CDH12: variants seen among roughly 807,000 people sequenced by gnomAD.
CDH12 encodes cadherin-12.
In CDH12, 41 loss-of-function variants were observed where a neutral mutation model predicts 74.1. The ratio of observed to expected loss-of-function variants is 0.55; its 90% CI spans 0.43 to 0.72. CDH12 has a LOEUF of 0.72. Among genes scored for constraint, CDH12 ranks in the 30% least tolerant of loss-of-function variants. The pLI, the probability that CDH12 is intolerant of heterozygous loss-of-function variation, is 0.00. For missense variants in CDH12, 945 were observed against 977.2 expected (o/e 0.97, Z 0.44); for synonymous variants, 399 against 355.0 (o/e 1.12, Z -1.39).
chr5:22,774,205 G>A (rs947840323), intron 1 of CDH12, among the ~76,000 whole-genome samples: 1 of 152,096 alleles, frequency 6.6e-6, no homozygotes, highest in African/African-American at 2.4e-5. Flanking sequence ...ATTCACAATA[G>A]CAAAGATGTG....
In CDH12 at chr5:22,297,955, CTTAAT is replaced by C. The variant is rs150476535; in HGVS notation, c.-332-85317_-332-85313del. The stretch of plus-strand genomic sequence containing the variant: ...CTTCATTATTTCTTTTAGATATTAA[CTTAAT>C]TTAATTTTTATATTTCAAGACTTAT... On this transcript the variant is annotated intron_variant, in intron 3 of 14. Coordinates refer to ENST00000382254, the MANE Select transcript of CDH12 (RefSeq NM_004061.5). 1.6e-3 allele frequency among the ~76,000 whole-genome samples: 248 copies of C among 151,752 alleles called. 2 individuals are homozygous for C. Among genetic ancestry groups the C allele is most frequent in the African/African-American group, 5.4e-3 (222 of 41,448 alleles).
chr5:22,681,398 A>G (rs1741486387), intron 1 of CDH12, among the ~76,000 whole-genome samples: 1 of 151,984 alleles, frequency 6.6e-6, no homozygotes, highest in Non-Finnish European at 1.5e-5. Flanking sequence ...AAAACCTGGT[A>G]GTGTGAAAGC....
intron 2 of CDH12, among the ~76,000 whole-genome samples, chr5:22,474,952 C>A (rs1746108001): frequency 6.6e-6 from 1 of 151,718 alleles, no homozygotes; most frequent in Non-Finnish European, 1.5e-5. Flanking sequence ...TTTGACAAAC[C>A]TTTATAACAG....
intron 3 of CDH12, among the ~76,000 whole-genome samples, chr5:22,374,132 C>G (rs1353255480): frequency 6.6e-6 from 1 of 152,052 alleles, no homozygotes; most frequent in East Asian, 1.9e-4. Flanking sequence ...AGGAATTATA[C>G]TAGGAATGCC....
At chr5:22,201,327 G>A (rs1580393596) in intron 4 of CDH12, among the ~76,000 whole-genome samples, 3 of 152,146 alleles carry the variant, frequency 2.0e-5, no homozygotes, top group South Asian at 4.1e-4. Context: ...TATACAAAAC[G>A]GAATACTATT....
chr5:22,629,346 A>G (rs1285243059), intron 1 of CDH12, among the ~76,000 whole-genome samples: 2 of 152,078 alleles, frequency 1.3e-5, no homozygotes, highest in Non-Finnish European at 2.9e-5. Context: ...CTTGATGAAC[A>G]TAGAAGAAAA....
At chr5:22,623,392 T>C (rs1021754403) in intron 1 of CDH12, among the ~76,000 whole-genome samples, 4 of 152,154 alleles carry the variant, frequency 2.6e-5, no homozygotes, top group Admixed American at 6.6e-5. Flanking sequence ...TTGCAGATGG[T>C]ATGATTGTAT....
At chr5:22,788,004 G>T (rs1017012840) in intron 1 of CDH12, among the ~76,000 whole-genome samples, 2 of 152,156 alleles carry the variant, frequency 1.3e-5, no homozygotes, top group Non-Finnish European at 2.9e-5. Context: ...AGGGATGAGT[G>T]TCACACAAGA....
rs535741892 is a variant in CDH12 at position 21,803,452 on chromosome 5, G to A, written c.1003-1032C>T. 2.0e-5 allele frequency among the ~76,000 whole-genome samples: 3 copies of A among 152,144 alleles called. No individual in the cohort carries two copies. In the East Asian group the frequency reaches 5.8e-4, roughly 29 times the overall value. On this transcript the variant is annotated intron_variant, in intron 9 of 14. Transcript: ENST00000382254. ...TATTAATATATATGACTAAATTAGAGAAGGCTGTGAAACATAATATAGAAA... is the reference window on the plus strand; with the variant it reads ...TATTAATATATATGACTAAATTAGAAAAGGCTGTGAAACATAATATAGAAA...
intron 4 of CDH12, among the ~76,000 whole-genome samples, chr5:22,177,052 G>A (rs1419043718): frequency 6.6e-6 from 1 of 152,076 alleles, no homozygotes; most frequent in Admixed American, 6.6e-5. Context: ...TAGTATTTAT[G>A]ATAACCTGAC....
Position 22,433,208 on chromosome 5 carries a change from G to A in CDH12, c.-427-27857C>T, listed in dbSNP as rs142440916. ...TCTTCTTTTCTCTTTATTCCAGATT[G>A]GTTTCTACTTTCCCGCATTATTTAT... is the stretch of plus-strand genomic sequence containing the variant. On this transcript the variant is annotated intron_variant, in intron 2 of 14. Coordinates refer to ENST00000382254, the MANE Select transcript of CDH12 (RefSeq NM_004061.5). Among the ~76,000 whole-genome samples the A allele has an allele frequency of 5.6e-3, 855 of 151,984 alleles. 25 individuals are homozygous for A. The highest frequency in any genetic ancestry group is 0.05 in the Admixed American group (759 of 15,206).
intron 1 of CDH12, among the ~76,000 whole-genome samples, chr5:22,664,523 C>T (rs1375350973): frequency 6.6e-6 from 1 of 152,040 alleles, no homozygotes; most frequent in East Asian, 1.9e-4. Context: ...CTGATCTCAC[C>T]CTTGACTCGT....
At chr5:21,874,381 C>T (rs1425443853) in intron 6 of CDH12, among the ~76,000 whole-genome samples, 1 of 152,172 alleles carries the variant, frequency 6.6e-6, no homozygotes, top group African/African-American at 2.4e-5. Context: ...AAGGTGACCG[C>T]ATCCACCTTT....
intron 9 of CDH12, among the ~76,000 whole-genome samples, chr5:21,808,858 C>T (rs964132075): frequency 3.9e-5 from 6 of 151,970 alleles, no homozygotes; most frequent in African/African-American, 1.5e-4. Flanking sequence ...GCCACTATAT[C>T]AGGTGAGAAT....
At chr5:21,863,908 T>C (rs905036175) in intron 6 of CDH12, among the ~76,000 whole-genome samples, 3 of 152,186 alleles carry the variant, frequency 2.0e-5, no homozygotes. Context: ...TTTTTGCTTT[T>C]GTCTTGTGTA....
At chr5:21,825,412 G>A (rs1407633058) in intron 8 of CDH12, among the ~76,000 whole-genome samples, 1 of 152,006 alleles carries the variant, frequency 6.6e-6, no homozygotes, top group Non-Finnish European at 1.5e-5. Flanking sequence ...TACACATTTT[G>A]CTATTTTTAA....
At chr5:21,864,426 T>C (rs1190700349) in intron 6 of CDH12, among the ~76,000 whole-genome samples, 1 of 152,106 alleles carries the variant, frequency 6.6e-6, no homozygotes, top group Non-Finnish European at 1.5e-5. Flanking sequence ...GAAAAGCTAT[T>C]TTCTCTTTTG....
rs906562416 is a variant in CDH12, at chr5:21,986,277, GA to G, written c.232-10893del. Among the ~76,000 whole-genome samples the G allele has an allele frequency of 5.3e-5, 8 of 152,086 alleles. No individual in the cohort carries two copies. The East Asian group carries it at 5.8e-4, about 11-fold the overall frequency. ...AGGATATATTACACATCCTGTTATA[GA>G]AAAAAAATATGTTATTCCCCCAATG... On this transcript the variant is annotated intron_variant, in intron 5 of 14. Coordinates refer to ENST00000382254, the MANE Select transcript of CDH12 (RefSeq NM_004061.5).
At chr5:22,206,465 C>T (rs986464081) in intron 4 of CDH12, among the ~76,000 whole-genome samples, 1 of 151,836 alleles carries the variant, frequency 6.6e-6, no homozygotes, top group Non-Finnish European at 1.5e-5. Context: ...CTGTATATGT[C>T]TCAAACTGTG....
Sources: gnomAD v4.1 joint callset for allele counts (sites outside exome capture counted in the v4.1 genomes callset) on GRCh38, gnomAD v4.1.1 for gene constraint, MANE v1.5 for transcripts, NCBI Gene and HGNC (gene_info 2026-07-23, HGNC 2026-07-21) for gene names.